Variants in ILDR2 observed in about 807,000 individuals in gnomAD.
ILDR2 encodes immunoglobulin like domain containing receptor 2, also known as immunoglobulin-like domain-containing receptor 2.
ILDR2 carries 25 observed loss-of-function variants against 66.8 expected under a neutral mutation model. The observed-to-expected ratio is 0.37, with a 90% CI of 0.27 to 0.52. The LOEUF (loss-of-function observed/expected upper bound fraction) is 0.52, where lower values mean the gene tolerates loss of function less well. Among genes scored for constraint, ILDR2 ranks in the 20% least tolerant of loss-of-function variants. ILDR2 has a pLI of 0.88. For synonymous variants in ILDR2, 367 were observed against 357.2 expected (o/e 1.03, Z -0.31); for missense variants, 827 against 876.8 (o/e 0.94, Z 0.72).
At chr1:166,907,472 T>C (rs1446735644), downstream of ILDR2, among the ~76,000 whole-genome samples, 1 of 152,206 alleles carries the variant, frequency 6.6e-6, no homozygotes, top group Admixed American at 6.5e-5. Context: ...GTTCTCTTCA[T>C]GGAGCGTGCT....
chr1:166,903,873 C>T (rs1381346362), downstream of ILDR2, among the ~76,000 whole-genome samples: 1 of 152,204 alleles, frequency 6.6e-6, no homozygotes, highest in Admixed American at 6.5e-5. Flanking sequence ...TCTTATCCTT[C>T]AAGTAACAGT....
chr1:166,928,714 T>A (rs1660455409), intron 6 of ILDR2, among the ~76,000 whole-genome samples: 1 of 152,222 alleles, frequency 6.6e-6, no homozygotes, highest in Admixed American at 6.5e-5. Context: ...GCACTCTAAT[T>A]GTAGTCCAAG....
At chr1:166,940,742 CAT>C (rs1468667184) in intron 3 of ILDR2, among the ~76,000 whole-genome samples, 1 of 152,212 alleles carries the variant, frequency 6.6e-6, no homozygotes, top group African/African-American at 2.4e-5. Flanking sequence ...TTAGTAGACA[CAT>C]GTTGCTATTG....
intron 1 of ILDR2, among the ~76,000 whole-genome samples, chr1:166,961,800 C>T (rs1210854293): frequency 6.6e-6 from 1 of 152,146 alleles, no homozygotes; most frequent in Non-Finnish European, 1.5e-5. Context: ...GTGTCAGATG[C>T]CGAGTGTGTA....
chr1:166,953,160 C>T (rs1662084875), intron 3 of ILDR2, among the ~76,000 whole-genome samples: 1 of 151,986 alleles, frequency 6.6e-6, no homozygotes, highest in Non-Finnish European at 1.5e-5. Context: ...TATGAAGAGC[C>T]CCTGGTCTCA....
At position 166,920,782 on chromosome 1, in the gene ILDR2, C is replaced by T. The variant is rs771546277; in HGVS notation, c.1809G>A (p.Pro603=). The change falls in exon 9 of 10, where the codon CCG becomes CCA. Residue 603 remains proline (P), a synonymous_variant. Transcript: ENST00000271417. ...PYSELELTRG[P]SYRGRDLPYH... is the part of the protein sequence containing the mutation. ...AGGGCAGGTCGCGGCCGCGGTAGGACGGGCCGCGGGTCAGCTCCAGCTCGC... is the reference window on the plus strand; with the variant it reads ...AGGGCAGGTCGCGGCCGCGGTAGGATGGGCCGCGGGTCAGCTCCAGCTCGC... The T allele has an allele frequency of 1.9e-5, 29 of 1,519,306 alleles. No homozygotes were observed. Among genetic ancestry groups the T allele is most frequent in the Non-Finnish European group, 2.5e-5 (28 of 1,134,218 alleles). The allele number at this position is 1,519,306 out of a possible 1,614,324, so 94.1% of individuals were successfully genotyped here.
Position 166,911,335 on chromosome 1 carries a change from A to T in ILDR2, c.*8020T>A, listed in dbSNP as rs1659468997. On this transcript the variant is annotated 3_prime_UTR_variant, in exon 10 of 10. Coordinates refer to ENST00000271417, the MANE Select transcript of ILDR2 (RefSeq NM_199351.3). ...TCATTTTTTCCCATTTAGCACACTT[A>T]CTTCTTCCTTACTCAATCATTCACT... is the stretch of plus-strand genomic sequence containing the variant. 1 of 152,184 alleles carries T rather than the reference A, an allele frequency of 6.6e-6. No individual in the cohort carries two copies. The highest frequency in any genetic ancestry group is 1.5e-5 in the Non-Finnish European group (1 of 68,028). The allele number at this position is 152,184 out of a possible 1,614,324, so 9.4% of individuals were successfully genotyped here.
intron 4 of ILDR2, among the ~76,000 whole-genome samples, chr1:166,938,619 A>G (rs1355678890): frequency 2.6e-5 from 4 of 152,230 alleles, no homozygotes; most frequent in Non-Finnish European, 5.9e-5. Context: ...TAGACGAATA[A>G]TTAGTGAAGC....
chr1:166,902,726 T>C (rs1181848872), intron 2 of ILDR2, among the ~76,000 whole-genome samples: 2 of 152,232 alleles, frequency 1.3e-5, no homozygotes, highest in African/African-American at 4.8e-5. Context: ...CCATTCTACA[T>C]TTTGTAGGCT....
intron 6 of ILDR2, among the ~76,000 whole-genome samples, chr1:166,934,809 C>G (rs139099094): frequency 9.2e-4 from 140 of 152,310 alleles, no homozygotes; most frequent in African/African-American, 3.2e-3. Context: ...TCAAATTTCA[C>G]CTCCTCCCTG....
At chr1:166,922,520 T>C in intron 8 of ILDR2, 73 bp downstream of exon 8, 2 of 1,204,846 alleles carry the variant, frequency 1.7e-6, no homozygotes, top group South Asian at 1.2e-5. Flanking sequence ...GGCATCTTCC[T>C]TGCCTCCGAT....
chr1:166,949,463 G>A (rs561072046), intron 3 of ILDR2, among the ~76,000 whole-genome samples: 1 of 152,312 alleles, frequency 6.6e-6, no homozygotes, highest in East Asian at 1.9e-4. Flanking sequence ...CTGTGCTAGG[G>A]ATATAATATG....
rs1473689498 is a variant in ILDR2, at chr1:166,909,748, T to TAA, written c.*9606_*9607insTT. 3 of 111,254 alleles carry TAA rather than the reference T, an allele frequency of 2.7e-5. No individual in the cohort carries two copies. Among genetic ancestry groups the TAA allele is most frequent in the Non-Finnish European group, 5.0e-5 (3 of 59,414 alleles). The allele number at this position is 111,254 out of a possible 1,614,324, so 6.9% of individuals were successfully genotyped here. A position where few individuals can be genotyped will look rare whatever the true frequency, so the allele number is the denominator to read the frequency against. On this transcript the variant is annotated 3_prime_UTR_variant, in exon 10 of 10. Coordinates refer to ENST00000271417, the MANE Select transcript of ILDR2 (RefSeq NM_199351.3). ...GTGTGTATACATACATATATATATA[T>TAA]ATATATATATAAATATATATAAATA...
chr1:166,923,233 G>A (rs752823848), intron 7 of ILDR2, among the ~76,000 whole-genome samples: 14 of 152,182 alleles, frequency 9.2e-5, no homozygotes, highest in Non-Finnish European at 2.1e-4. Context: ...AGAGACAGAA[G>A]CCATAGATCA....
At chr1:166,967,418 C>T (rs374290413) in intron 1 of ILDR2, among the ~76,000 whole-genome samples, 12 of 150,820 alleles carry the variant, frequency 8.0e-5, no homozygotes, top group Non-Finnish European at 1.5e-4. Flanking sequence ...AAGGTAGAAA[C>T]GGAGGGGGAA....
rs555533237 is a variant in ILDR2, at chr1:166,910,644, T to C, written c.*8711A>G. On this transcript the variant is annotated 3_prime_UTR_variant, in exon 10 of 10. Transcript: ENST00000271417. ...ACCTCATGCCATTTTTGGTGAGTCA[T>C]CTTAGGCCACCTGATAAGTATTCAG... 2.0e-4 allele frequency: 31 copies of C among 152,328 alleles called. No individual in the cohort carries two copies. The highest frequency in any genetic ancestry group is 7.2e-4 in the African/African-American group (30 of 41,574). 9.4% of individuals were successfully genotyped at this position (152,328 alleles called of 1,614,324 possible). A position where few individuals can be genotyped will look rare whatever the true frequency, so the allele number is the denominator to read the frequency against.
chr1:166,913,900 T>C lies in ILDR2; in HGVS notation c.*5455A>G, dbSNP rs1659540265. On this transcript the variant is annotated 3_prime_UTR_variant, in exon 10 of 10. Coordinates refer to ENST00000271417, the MANE Select transcript of ILDR2 (RefSeq NM_199351.3). ...AGGCAGCCAAGGTGGGAGGATCACT[T>C]GAGGCCAGGAGTTTGAGACAAGCCT... 6.6e-6 allele frequency: 1 copy of C among 152,242 alleles called. No homozygotes were observed. Among genetic ancestry groups the C allele is most frequent in the Non-Finnish European group, 1.5e-5 (1 of 68,126 alleles). 9.4% of individuals were successfully genotyped at this position (152,242 alleles called of 1,614,324 possible).
At chr1:166,944,869 ACTTTTACGAGTGC>A (rs1661521814) in intron 3 of ILDR2, among the ~76,000 whole-genome samples, 1 of 152,070 alleles carries the variant, frequency 6.6e-6, no homozygotes, top group South Asian at 2.1e-4. Context: ...ATGTGCCTTT[ACTTTTACGAGTGC>A]CTCCACTACC....
At chr1:166,934,276 C>G (rs1234033998) in intron 6 of ILDR2, among the ~76,000 whole-genome samples, 1 of 152,186 alleles carries the variant, frequency 6.6e-6, no homozygotes, top group Non-Finnish European at 1.5e-5. Flanking sequence ...TCAGCTAAAT[C>G]AGCTCTCCTT....
Sources: allele counts gnomAD v4.1 joint callset (sites outside exome capture counted in the v4.1 genomes callset), GRCh38; gene constraint gnomAD v4.1.1; transcripts MANE v1.5; gene names NCBI Gene and HGNC (gene_info 2026-07-23, HGNC 2026-07-21).